Variants in MACO1 observed in about 807,000 individuals in gnomAD.
The protein encoded by MACO1 is macoilin.
MACO1 carries 14 observed loss-of-function variants against 78.7 expected under a neutral mutation model. The observed-to-expected ratio is 0.18, with a 90% CI of 0.12 to 0.28. The LOEUF is 0.28. MACO1 is among the 10% of genes least tolerant of loss of function. The pLI, the probability that MACO1 is intolerant of heterozygous loss-of-function variation, is 1.00. For synonymous variants in MACO1, 288 were observed against 291.6 expected (o/e 0.99, Z 0.12); for missense variants, 501 against 799.0 (o/e 0.63, Z 4.50).
intron 1 of MACO1, among the ~76,000 whole-genome samples, chr1:25,435,287 T>G (rs1381062403): frequency 1.3e-5 from 2 of 152,152 alleles, no homozygotes; most frequent in Non-Finnish European, 2.9e-5. Flanking sequence ...TGCAGTATTG[T>G]ACCTGACTGT....
At chr1:25,480,461 TAAAC>T (rs911799137) in intron 6 of MACO1, among the ~76,000 whole-genome samples, 8 of 152,332 alleles carry the variant, frequency 5.3e-5, no homozygotes, top group African/African-American at 1.7e-4. Context: ...ATTTTTTAAA[TAAAC>T]CTTTTCTTAT....
chr1:25,465,676 C>T (rs1056011605), intron 6 of MACO1, among the ~76,000 whole-genome samples: 3 of 152,148 alleles, frequency 2.0e-5, no homozygotes, highest in African/African-American at 7.2e-5. Context: ...TTGTTACATG[C>T]ATAGATTGTG....
At chr1:25,456,074 A>G (rs1015476264) in intron 4 of MACO1, among the ~76,000 whole-genome samples, 4 of 152,112 alleles carry the variant, frequency 2.6e-5, no homozygotes, top group African/African-American at 7.2e-5. Context: ...CCTGGCCAAC[A>G]TGGTGAAACC....
intron 1 of MACO1, among the ~76,000 whole-genome samples, chr1:25,439,169 A>G (rs1160466699): frequency 6.6e-6 from 1 of 152,152 alleles, no homozygotes; most frequent in Non-Finnish European, 1.5e-5. Context: ...AGTCACAAAA[A>G]TAGTACAAAG....
At chr1:25,451,821 G>A (rs1272621804) in intron 3 of MACO1, among the ~76,000 whole-genome samples, 5 of 151,502 alleles carry the variant, frequency 3.3e-5, no homozygotes, top group Admixed American at 6.6e-5. Flanking sequence ...CAGGAAAATC[G>A]CTTGAACCCA....
chr1:25,483,137 A>G (rs1246825086), intron 6 of MACO1, among the ~76,000 whole-genome samples: 1 of 151,878 alleles, frequency 6.6e-6, no homozygotes, highest in East Asian at 1.9e-4. Flanking sequence ...TGCAACCTCC[A>G]CCTCCTGGGT....
At chr1:25,495,717 AC>A (rs1282107062) in intron 10 of MACO1, among the ~76,000 whole-genome samples, 2 of 152,182 alleles carry the variant, frequency 1.3e-5, no homozygotes, top group East Asian at 3.8e-4. Flanking sequence ...TAATACCAGC[AC>A]TTTGGGAGGC....
intron 6 of MACO1, among the ~76,000 whole-genome samples, chr1:25,479,656 G>A (rs991472034): frequency 2.0e-5 from 3 of 152,080 alleles, no homozygotes; most frequent in African/African-American, 4.8e-5. Context: ...TGATCTGCCC[G>A]CCTCAGCTTC....
At chr1:25,497,357 G>T (rs1188872181) in intron 10 of MACO1, among the ~76,000 whole-genome samples, 4 of 145,320 alleles carry the variant, frequency 2.8e-5, no homozygotes, top group African/African-American at 5.2e-5. Context: ...TTCAGCCTGG[G>T]CAACAAGAGC....
chr1:25,451,428 G>T (rs1030229218), intron 3 of MACO1, among the ~76,000 whole-genome samples: 2 of 152,098 alleles, frequency 1.3e-5, no homozygotes, highest in African/African-American at 4.8e-5. Context: ...TTATTTCATA[G>T]ATGTAGAATA....
intron 1 of MACO1, among the ~76,000 whole-genome samples, chr1:25,446,261 A>G (rs1313530865): frequency 6.6e-6 from 1 of 152,192 alleles, no homozygotes; most frequent in Non-Finnish European, 1.5e-5. Flanking sequence ...AATACTATAT[A>G]CAGAGGCAAG....
At chr1:25,434,997 A>C (rs1338551736) in intron 1 of MACO1, among the ~76,000 whole-genome samples, 3 of 152,218 alleles carry the variant, frequency 2.0e-5, no homozygotes, top group Non-Finnish European at 4.4e-5. Context: ...TGACTTTATA[A>C]TATAAAAATG....
intron 1 of MACO1, among the ~76,000 whole-genome samples, chr1:25,446,553 T>C (rs1295992116): frequency 6.6e-6 from 1 of 152,214 alleles, no homozygotes; most frequent in African/African-American, 2.4e-5. Flanking sequence ...GGTATCATCT[T>C]ATCTTGATAG....
At chr1:25,456,520 G>A in intron 4 of MACO1, 133 bp from the exon 5 acceptor site, 1 of 891,668 alleles carries the variant, frequency 1.1e-6, no homozygotes, top group Admixed American at 3.0e-5. Context: ...TGTGTCTAGT[G>A]AATGCTCTTC....
intron 10 of MACO1, among the ~76,000 whole-genome samples, chr1:25,492,484 C>T (rs949828686): frequency 4.6e-5 from 7 of 151,684 alleles, no homozygotes; most frequent in African/African-American, 7.3e-5. Context: ...AAAGCACTTC[C>T]GGGGAGGGGG....
At chr1:25,436,955 T>A (rs935761486) in intron 1 of MACO1, among the ~76,000 whole-genome samples, 2 of 152,154 alleles carry the variant, frequency 1.3e-5, no homozygotes, top group Admixed American at 6.5e-5. Context: ...GCCTTCTCTT[T>A]TTCAGAGCTT....
At chr1:25,473,798 T>C (rs78835155) in intron 6 of MACO1, among the ~76,000 whole-genome samples, 46 of 152,360 alleles carry the variant, frequency 3.0e-4, no homozygotes, top group African/African-American at 1.1e-3. Flanking sequence ...GTGGGTATAT[T>C]TCATCTTTGC....
chr1:25,440,016 CAA>C (rs200908330), intron 1 of MACO1, among the ~76,000 whole-genome samples: 29 of 106,944 alleles, frequency 2.7e-4, no homozygotes, highest in Non-Finnish European at 3.1e-4. Flanking sequence ...AACTCTGTCT[CAA>C]AAAAAAAAAA....
chr1:25,459,773 G>A (rs570976487), intron 6 of MACO1, among the ~76,000 whole-genome samples: 4 of 152,154 alleles, frequency 2.6e-5, no homozygotes, highest in East Asian at 1.9e-4. Context: ...CACCGTGCCC[G>A]GCCATAAAAG....
Sources: gnomAD v4.1 joint callset for allele counts (sites outside exome capture counted in the v4.1 genomes callset) on GRCh38, gnomAD v4.1.1 for gene constraint, MANE v1.5 for transcripts, NCBI Gene and HGNC (gene_info 2026-07-23, HGNC 2026-07-21) for gene names.